Variants in LRMDA observed in about 807,000 individuals in gnomAD.
The protein encoded by LRMDA is leucine-rich melanocyte differentiation-associated protein.
In LRMDA, 18 loss-of-function variants were observed where a neutral mutation model predicts 29.8. That is an observed-to-expected ratio of 0.60 (90% CI 0.42 to 0.90). The LOEUF is 0.90. LRMDA is among the 40% of genes least tolerant of loss of function. LRMDA has a pLI of 0.00. For synonymous variants in LRMDA, 125 were observed against 109.4 expected (o/e 1.14, Z -0.89); for missense variants, 273 against 273.9 (o/e 1.00, Z 0.02).
chr10:76,163,229 A>G (rs1434883398), intron 5 of LRMDA, among the ~76,000 whole-genome samples: 1 of 152,166 alleles, frequency 6.6e-6, no homozygotes, highest in Non-Finnish European at 1.5e-5. Flanking sequence ...ATCATTTTTA[A>G]TGTCAGTAAA....
chr10:75,824,387 G>T (rs1287566409), intron 2 of LRMDA, among the ~76,000 whole-genome samples: 1 of 152,310 alleles, frequency 6.6e-6, no homozygotes, highest in African/African-American at 2.4e-5. Context: ...TTTATGTATT[G>T]CACATGCTGT....
At chr10:76,134,245 G>C (rs1850053042) in intron 5 of LRMDA, among the ~76,000 whole-genome samples, 1 of 152,220 alleles carries the variant, frequency 6.6e-6, no homozygotes, top group African/African-American at 2.4e-5. Flanking sequence ...CGGCTGTTGG[G>C]GCCAGCTTTT....
At chr10:75,646,309 G>A (rs1415179312) in intron 2 of LRMDA, among the ~76,000 whole-genome samples, 1 of 152,122 alleles carries the variant, frequency 6.6e-6, no homozygotes, top group Non-Finnish European at 1.5e-5. Flanking sequence ...CTGCCAGCCT[G>A]GATAGGCGCG....
At chr10:76,243,934 G>A (rs1406506152) in intron 5 of LRMDA, among the ~76,000 whole-genome samples, 1 of 152,142 alleles carries the variant, frequency 6.6e-6, no homozygotes, top group Non-Finnish European at 1.5e-5. Flanking sequence ...TAATCCAGGG[G>A]GGCTATAAAT....
Position 75,596,520 on chromosome 10 carries a change from T to A in LRMDA, c.131+158026T>A, listed in dbSNP as rs148783544. ...CTCAAAGGCAAAACACCAAGTTCAT[T>A]TTTCCATCTGAGTCTACTGAGATTT... On this transcript the variant is annotated intron_variant, in intron 2 of 6. Transcript: ENST00000611255. 2.0e-4 allele frequency among the ~76,000 whole-genome samples: 30 copies of A among 152,320 alleles called. No homozygotes were observed. The East Asian group carries it at 5.8e-3, about 29-fold the overall frequency.
At chr10:75,470,087 T>A (rs1157536423) in intron 2 of LRMDA, among the ~76,000 whole-genome samples, 1 of 152,272 alleles carries the variant, frequency 6.6e-6, no homozygotes, top group Non-Finnish European at 1.5e-5. Context: ...CTGCATTTCC[T>A]CTGCCACCAT....
intron 2 of LRMDA, among the ~76,000 whole-genome samples, chr10:75,807,867 C>T (rs907819909): frequency 5.9e-5 from 9 of 152,144 alleles, no homozygotes; most frequent in African/African-American, 2.2e-4. Flanking sequence ...TACACAGCTA[C>T]CATTTCTGAG....
chr10:76,000,582 G>A (rs1847545427), intron 2 of LRMDA, among the ~76,000 whole-genome samples: 2 of 152,196 alleles, frequency 1.3e-5, no homozygotes, highest in South Asian at 4.1e-4. Context: ...GGGCTGTGGT[G>A]AATGTGAATC....
chr10:76,435,396 C>G (rs1183203519), intron 6 of LRMDA, among the ~76,000 whole-genome samples: 1 of 152,214 alleles, frequency 6.6e-6, no homozygotes, highest in Non-Finnish European at 1.5e-5. Flanking sequence ...CCACTAGAGG[C>G]TGATGCAGTC....
At chr10:75,921,588 GA>G (rs1846025801) in intron 2 of LRMDA, among the ~76,000 whole-genome samples, 3 of 152,154 alleles carry the variant, frequency 2.0e-5, no homozygotes, top group Admixed American at 6.5e-5. Flanking sequence ...AGTTGAAGTA[GA>G]AAAAAGCTTT....
intron 6 of LRMDA, among the ~76,000 whole-genome samples, chr10:76,427,750 T>G (rs983361261): frequency 5.3e-5 from 8 of 152,210 alleles, no homozygotes; most frequent in African/African-American, 1.7e-4. Flanking sequence ...TTGTCATAAA[T>G]AGCTCTTATT....
chr10:75,960,910 C>T (rs896754382), intron 2 of LRMDA, among the ~76,000 whole-genome samples: 2 of 151,842 alleles, frequency 1.3e-5, no homozygotes, highest in African/African-American at 2.4e-5. Flanking sequence ...CCACCACACC[C>T]GGCCTGGTTT....
At chr10:75,985,741 G>A (rs1332591528) in intron 2 of LRMDA, among the ~76,000 whole-genome samples, 1 of 152,192 alleles carries the variant, frequency 6.6e-6, no homozygotes, top group Non-Finnish European at 1.5e-5. Context: ...GAGGGAGGTG[G>A]GAGGAGTTTC....
At chr10:76,363,574 T>A (rs909959212) in intron 6 of LRMDA, among the ~76,000 whole-genome samples, 1 of 152,052 alleles carries the variant, frequency 6.6e-6, no homozygotes, top group African/African-American at 2.4e-5. Context: ...TGAGGGGTAG[T>A]GTGGTATGTA....
intron 2 of LRMDA, among the ~76,000 whole-genome samples, chr10:75,668,263 G>A (rs1841847874): frequency 6.6e-6 from 1 of 152,192 alleles, no homozygotes; most frequent in Non-Finnish European, 1.5e-5. Context: ...ACTGTGGGCT[G>A]CATCTGTGGC....
At chr10:76,269,830 G>A (rs988819573) in intron 5 of LRMDA, among the ~76,000 whole-genome samples, 18 of 152,158 alleles carry the variant, frequency 1.2e-4, no homozygotes, top group Non-Finnish European at 2.4e-4. Flanking sequence ...GTTCAGAGAG[G>A]TTAAGTTCCT....
At chr10:75,996,246 A>G (rs1371899178) in intron 2 of LRMDA, among the ~76,000 whole-genome samples, 1 of 152,172 alleles carries the variant, frequency 6.6e-6, no homozygotes, top group Non-Finnish European at 1.5e-5. Flanking sequence ...CTTCTTCGGC[A>G]TCCCTGGGAC....
intron 5 of LRMDA, among the ~76,000 whole-genome samples, chr10:76,140,638 T>G (rs946967770): frequency 1.3e-5 from 2 of 152,084 alleles, no homozygotes; most frequent in South Asian, 2.1e-4. Context: ...AGAAGCAGCT[T>G]CAGAACCAAA....
intron 2 of LRMDA, among the ~76,000 whole-genome samples, chr10:76,019,176 A>G (rs1294850546): frequency 2.0e-5 from 3 of 152,182 alleles, no homozygotes; most frequent in African/African-American, 7.2e-5. Flanking sequence ...GACAGCACAA[A>G]TGCTAATATG....
Sources: gnomAD v4.1 joint callset for allele counts (sites outside exome capture counted in the v4.1 genomes callset) on GRCh38, gnomAD v4.1.1 for gene constraint, MANE v1.5 for transcripts, NCBI Gene and HGNC (gene_info 2026-07-23, HGNC 2026-07-21) for gene names.